Variants in PLCE1 observed in about 807,000 individuals in gnomAD.
The protein encoded by PLCE1 is phospholipase C epsilon 1, also known as 1-phosphatidylinositol 4,5-bisphosphate phosphodiesterase epsilon-1.
PLCE1 carries 119 observed loss-of-function variants against 242.8 expected under a neutral mutation model. That is an observed-to-expected ratio of 0.49 (90% CI 0.42 to 0.57). The LOEUF is 0.57. PLCE1 is among the 20% of genes least tolerant of loss of function. The pLI, the probability that PLCE1 is intolerant of heterozygous loss-of-function variation, is 0.00. For synonymous variants in PLCE1, 945 were observed against 1,017.4 expected, an observed-to-expected ratio of 0.93 and a Z score of 1.35; for missense variants, 2,441 against 2,788.8, an observed-to-expected ratio of 0.88 and a Z score of 2.81.
intron 2 of PLCE1, among the ~76,000 whole-genome samples, chr10:94,076,861 G>A (rs1242128191): frequency 2.7e-5 from 4 of 149,840 alleles, no homozygotes; most frequent in African/African-American, 7.6e-5. Context: ...CGTCCCACCC[G>A]TTTAAACCTT....
At chr10:94,141,447 AAG>A (rs1012416065) in intron 3 of PLCE1, among the ~76,000 whole-genome samples, 3 of 152,052 alleles carry the variant, frequency 2.0e-5, no homozygotes, top group Admixed American at 1.3e-4. Flanking sequence ...TGACACCAAA[AAG>A]AGAGAGAGGG....
At chr10:94,064,897 GA>G (rs1196036053) in intron 2 of PLCE1, among the ~76,000 whole-genome samples, 3 of 152,124 alleles carry the variant, frequency 2.0e-5, no homozygotes, top group Non-Finnish European at 4.4e-5. Context: ...ACTGGGGTGG[GA>G]GTTCAGGTTT....
At chr10:94,326,664 T>G (rs1041712547) in intron 32 of PLCE1, among the ~76,000 whole-genome samples, 1 of 152,212 alleles carries the variant, frequency 6.6e-6, no homozygotes, top group Non-Finnish European at 1.5e-5. Context: ...CCTACTATAA[T>G]GAACATTGCT....
At chr10:94,145,525 G>C (rs956125324) in intron 3 of PLCE1, among the ~76,000 whole-genome samples, 2 of 152,136 alleles carry the variant, frequency 1.3e-5, no homozygotes, top group South Asian at 2.1e-4. Context: ...GACCGTTGCA[G>C]TACTTTAAAA....
At chr10:94,201,270 A>G (rs2048977259) in intron 4 of PLCE1, among the ~76,000 whole-genome samples, 1 of 152,168 alleles carries the variant, frequency 6.6e-6, no homozygotes, top group South Asian at 2.1e-4. Context: ...CAAAAAGCTC[A>G]GTTTCTTCAT....
chr10:94,185,054 A>G (rs1191384181), intron 4 of PLCE1, among the ~76,000 whole-genome samples: 4 of 152,254 alleles, frequency 2.6e-5, no homozygotes, highest in African/African-American at 9.6e-5. Context: ...AGGAATTTAC[A>G]ATCTAGTTCA....
At chr10:94,054,365 A>G (rs1388974594) in intron 2 of PLCE1, among the ~76,000 whole-genome samples, 1 of 152,216 alleles carries the variant, frequency 6.6e-6, no homozygotes, top group African/African-American at 2.4e-5. Flanking sequence ...GGAATATGGA[A>G]AGAAGTGAAG....
intron 2 of PLCE1, among the ~76,000 whole-genome samples, chr10:94,097,608 C>T (rs2045362336): frequency 6.6e-6 from 1 of 152,154 alleles, no homozygotes; most frequent in Non-Finnish European, 1.5e-5. Flanking sequence ...CGGAGCTTAA[C>T]CATGAGAACT....
At chr10:94,273,937 T>TAGAA (rs781742915) in intron 19 of PLCE1, among the ~76,000 whole-genome samples, 11 of 152,234 alleles carry the variant, frequency 7.2e-5, no homozygotes, top group Non-Finnish European at 2.9e-5. Context: ...AGTTCCCACA[T>TAGAA]AGAATATACC....
chr10:94,165,605 C>T (rs1175963019), intron 3 of PLCE1, among the ~76,000 whole-genome samples: 1 of 151,998 alleles, frequency 6.6e-6, no homozygotes, highest in Non-Finnish European at 1.5e-5. Flanking sequence ...ACAGTATTAC[C>T]ATATATATTG....
chr10:94,138,186 A>G (rs909783073), intron 3 of PLCE1: 3 of 370,204 alleles, frequency 8.1e-6, no homozygotes, highest in African/African-American at 4.2e-5. Flanking sequence ...CTGCTAAGTC[A>G]ATGATACAGT....
rs745818875 is a variant in PLCE1 at position 94,254,315 on chromosome 10, G to A, written c.3397+8G>A. 2.9e-5 allele frequency: 45 copies of A among 1,570,724 alleles called. No homozygotes were observed. Among genetic ancestry groups the A allele is most frequent in the Admixed American group, 6.7e-5 (4 of 59,940 alleles). ...ATGAACAAGAAGAATCAGGTAAAGC[G>A]GCATGTTTACATCTGAGATTTTTGT... On this transcript the variant is annotated splice_region_variant and intron_variant, in intron 10 of 32. Coordinates refer to ENST00000371380, the MANE Select transcript of PLCE1 (RefSeq NM_016341.4).
At chr10:94,122,564 G>T (rs1304802248) in intron 2 of PLCE1, among the ~76,000 whole-genome samples, 1 of 152,154 alleles carries the variant, frequency 6.6e-6, no homozygotes, top group Non-Finnish European at 1.5e-5. Flanking sequence ...CCTTCATCCA[G>T]CTAGCATTTG....
At chr10:94,308,372 A>C (rs2053275191) in intron 26 of PLCE1, among the ~76,000 whole-genome samples, 1 of 152,144 alleles carries the variant, frequency 6.6e-6, no homozygotes, top group African/African-American at 2.4e-5. Flanking sequence ...GTTTGAGTCT[A>C]AGTTGGAAAC....
At chr10:94,228,120 C>A (rs745791246) in intron 5 of PLCE1, among the ~76,000 whole-genome samples, 1 of 152,240 alleles carries the variant, frequency 6.6e-6, no homozygotes, top group Non-Finnish European at 1.5e-5. Flanking sequence ...ATGAGCTTGA[C>A]CACTATGATA....
At chr10:94,233,133 G>A (rs1023782601) in intron 5 of PLCE1, among the ~76,000 whole-genome samples, 39 of 152,212 alleles carry the variant, frequency 2.6e-4, no homozygotes, top group African/African-American at 8.4e-4. Context: ...ACCTTGTGAG[G>A]GCCTCTCTTT....
intron 2 of PLCE1, chr10:94,088,893 G>T (rs577090655): frequency 2.7e-5 from 12 of 451,172 alleles, no homozygotes; most frequent in African/African-American, 1.8e-4. Flanking sequence ...TTACTAAAAC[G>T]CAAGGACATT....
At chr10:94,228,931 C>T (rs532660240) in intron 5 of PLCE1, among the ~76,000 whole-genome samples, 2 of 152,122 alleles carry the variant, frequency 1.3e-5, no homozygotes, top group South Asian at 4.2e-4. Flanking sequence ...CCTGTAATCC[C>T]AGCACTTTGG....
At chr10:94,086,663 A>G (rs1009225082) in intron 2 of PLCE1, among the ~76,000 whole-genome samples, 9 of 152,206 alleles carry the variant, frequency 5.9e-5, no homozygotes, top group African/African-American at 2.2e-4. Flanking sequence ...ATTTATTATA[A>G]TTGAATGTAT....
Sources: gnomAD v4.1 joint callset for allele counts (sites outside exome capture counted in the v4.1 genomes callset) on GRCh38, gnomAD v4.1.1 for gene constraint, MANE v1.5 for transcripts, NCBI Gene and HGNC (gene_info 2026-07-23, HGNC 2026-07-21) for gene names.